Variants in TOM1 observed in about 807,000 individuals in gnomAD.
TOM1 encodes the protein target of Myb protein 1.
In TOM1, 38 loss-of-function variants were observed where a neutral mutation model predicts 61.3. The ratio of observed to expected loss-of-function variants is 0.62; its 90% CI spans 0.48 to 0.81. TOM1 has a LOEUF of 0.81. Among genes scored for constraint, TOM1 ranks in the 40% least tolerant of loss-of-function variants. The pLI, the probability that TOM1 is intolerant of heterozygous loss-of-function variation, is 0.00. For missense variants in TOM1, 591 were observed against 659.6 expected (o/e 0.90, Z 1.14); for synonymous variants, 270 against 268.8 (o/e 1.00, Z -0.04).
At chr22:35,341,237 T>A (rs1415475023) in intron 12 of TOM1, among the ~76,000 whole-genome samples, 1 of 152,196 alleles carries the variant, frequency 6.6e-6, no homozygotes, top group East Asian at 1.9e-4. Flanking sequence ...AGAGCTTAAG[T>A]GAAACCACAG....
chr22:35,304,500 A>G (rs1926144335), intron 1 of TOM1, among the ~76,000 whole-genome samples: 1 of 151,920 alleles, frequency 6.6e-6, no homozygotes, highest in Non-Finnish European at 1.5e-5. Flanking sequence ...TTTTTATGAG[A>G]CAGAGTCTCA....
Position 35,347,834 on chromosome 22 carries a change from A to G in TOM1, c.*625A>G, listed in dbSNP as rs1270598949. 2 of 153,082 alleles carry G rather than the reference A, an allele frequency of 1.3e-5. No homozygotes were observed. The highest frequency in any genetic ancestry group is 4.8e-5 in the African/African-American group (2 of 41,442). The allele number at this position is 153,082 out of a possible 1,614,324, so 9.5% of individuals were successfully genotyped here. A position where few individuals can be genotyped will look rare whatever the true frequency, so the allele number is the denominator to read the frequency against. On this transcript the variant is annotated 3_prime_UTR_variant, in exon 15 of 15. Coordinates refer to ENST00000449058, the MANE Select transcript of TOM1 (RefSeq NM_005488.3). Reference sequence around the variant, plus strand: ...AGGCTTCAGGGGATGCTGGGGCCCCACTGCCCCTCCGCTGCCTTGCCCTCC... The same window carrying G: ...AGGCTTCAGGGGATGCTGGGGCCCCGCTGCCCCTCCGCTGCCTTGCCCTCC...
At chr22:35,326,189 T>C (rs146147301) in intron 6 of TOM1, among the ~76,000 whole-genome samples, 32 of 152,356 alleles carry the variant, frequency 2.1e-4, no homozygotes, top group African/African-American at 7.7e-4. Flanking sequence ...TGAATGTATA[T>C]AGTGACACTC....
At chr22:35,337,094 A>G (rs1929414731) in intron 11 of TOM1, among the ~76,000 whole-genome samples, 1 of 151,498 alleles carries the variant, frequency 6.6e-6, no homozygotes, top group Non-Finnish European at 1.5e-5. Flanking sequence ...CCACCACCAC[A>G]CCTGGCTAAT....
At chr22:35,345,867 CTT>C (rs1284491832) in intron 13 of TOM1, 83 bp downstream of exon 13, 27 of 1,414,200 alleles carry the variant, frequency 1.9e-5, no homozygotes, top group Non-Finnish European at 2.1e-5. Context: ...CCAGGGTAGA[CTT>C]ATATAGCATA....
At chr22:35,342,820 C>T (rs1049595017) in intron 12 of TOM1, among the ~76,000 whole-genome samples, 2 of 149,308 alleles carry the variant, frequency 1.3e-5, no homozygotes, top group South Asian at 2.1e-4. Flanking sequence ...CATACACCTA[C>T]ACAGACACCC....
intron 7 of TOM1, among the ~76,000 whole-genome samples, chr22:35,329,694 T>C (rs904369529): frequency 2.6e-5 from 4 of 152,190 alleles, no homozygotes; most frequent in African/African-American, 9.7e-5. Flanking sequence ...CCCCCAGAAG[T>C]TGTGGTTTGT....
chr22:35,323,487 C>G lies in TOM1; in HGVS notation c.367-9C>G. 6.2e-7 allele frequency: 1 copy of G among 1,613,796 alleles called. No individual in the cohort carries two copies. Among genetic ancestry groups the G allele is most frequent in the Non-Finnish European group, 8.5e-7 (1 of 1,179,874 alleles). ...TGGTTACCGGCTGTGTCCCCTTGTC[C>G]CCTCTCAGTCCTGGGCTGACGCGTT... is the stretch of plus-strand genomic sequence containing the variant. On this transcript the variant is annotated splice_polypyrimidine_tract_variant and intron_variant, in intron 4 of 14. Transcript: ENST00000449058. This position sits in a 1 kb window ranked among gnomAD's most constrained non-coding sequence, Gnocchi z 4.2.
intron 12 of TOM1, 110 bp downstream of exon 12, chr22:35,338,898 G>T (rs1929626619): frequency 2.0e-6 from 2 of 1,013,122 alleles, no homozygotes; most frequent in African/African-American, 1.7e-5. Flanking sequence ...ACGTCCACAG[G>T]CCCTTCCTCG....
At chr22:35,306,942 C>G (rs1926375868) in intron 1 of TOM1, among the ~76,000 whole-genome samples, 1 of 152,158 alleles carries the variant, frequency 6.6e-6, no homozygotes, top group African/African-American at 2.4e-5. Flanking sequence ...TTGCCTTCCC[C>G]TATGGATAGA....
intron 1 of TOM1, among the ~76,000 whole-genome samples, chr22:35,317,540 A>G (rs1221043992): frequency 3.3e-5 from 5 of 152,236 alleles, no homozygotes; most frequent in Non-Finnish European, 7.3e-5. Context: ...GAAATGAAGC[A>G]AAGCACTGTC....
At chr22:35,327,625 T>C (rs939167296) in intron 7 of TOM1, among the ~76,000 whole-genome samples, 1 of 152,230 alleles carries the variant, frequency 6.6e-6, no homozygotes, top group African/African-American at 2.4e-5. Context: ...ATCTGTAAGA[T>C]TGCTCTAACA....
chr22:35,339,520 C>A (rs191240609), intron 12 of TOM1, among the ~76,000 whole-genome samples: 1 of 152,272 alleles, frequency 6.6e-6, no homozygotes, highest in East Asian at 1.9e-4. Context: ...ATTTAGGGAG[C>A]TTTACATGGA....
At chr22:35,307,795 G>T (rs1926458835) in intron 1 of TOM1, among the ~76,000 whole-genome samples, 1 of 152,188 alleles carries the variant, frequency 6.6e-6, no homozygotes, top group Non-Finnish European at 1.5e-5. Flanking sequence ...TTTAGGGACA[G>T]ACAGAGGGGT....
chr22:35,345,558 C>T (rs1374165070), intron 12 of TOM1, 167 bp from the exon 13 acceptor site: 2 of 665,812 alleles, frequency 3.0e-6, no homozygotes, highest in East Asian at 2.7e-5. Context: ...TCTGCACCTC[C>T]ATCACCCACA....
chr22:35,339,860 C>T (rs1038944943), intron 12 of TOM1, among the ~76,000 whole-genome samples: 22 of 151,684 alleles, frequency 1.5e-4, no homozygotes, highest in Non-Finnish European at 2.2e-4. Context: ...GCCGAGATCC[C>T]GCCACTGCAC....
At chr22:35,318,743 G>A (rs969818599) in intron 2 of TOM1, among the ~76,000 whole-genome samples, 4 of 152,248 alleles carry the variant, frequency 2.6e-5, no homozygotes, top group African/African-American at 9.6e-5. Flanking sequence ...AAAACCCAGC[G>A]AAGGCTGGGC....
chr22:35,312,171 G>A (rs1190277972), intron 1 of TOM1, among the ~76,000 whole-genome samples: 1 of 151,604 alleles, frequency 6.6e-6, no homozygotes, highest in African/African-American at 2.4e-5. Context: ...TTAAACCCAG[G>A]AGACGGAAGT....
Position 35,338,794 on chromosome 22 carries a change from C to T in TOM1, c.1224+6C>T. On this transcript the variant is annotated splice_donor_region_variant and intron_variant, in intron 12 of 14. Transcript: ENST00000449058. ...GGCAGCAGAGCACTGGCGCGGTAAG[C>T]AGAGGGGCCATCCTGCCACCCTGGG... 1.3e-6 allele frequency: 2 copies of T among 1,576,202 alleles called. No homozygotes were observed. The highest frequency in any genetic ancestry group is 1.7e-6 in the Non-Finnish European group (2 of 1,163,988).
Sources: allele counts gnomAD v4.1 joint callset (sites outside exome capture counted in the v4.1 genomes callset), GRCh38; gene constraint gnomAD v4.1.1; non-coding constraint Gnocchi (gnomAD v3.1); transcripts MANE v1.5; gene names NCBI Gene and HGNC (gene_info 2026-07-23, HGNC 2026-07-21).